CEP112: variants seen among roughly 807,000 people sequenced by gnomAD.
The protein encoded by CEP112 is centrosomal protein 112.
A neutral mutation model predicts 153.0 loss-of-function variants in CEP112; 127 were observed. That is an observed-to-expected ratio of 0.83 (90% CI 0.72 to 0.96). The LOEUF (loss-of-function observed/expected upper bound fraction) is 0.96, where lower values mean the gene tolerates loss of function less well. Ranked by LOEUF, CEP112 falls within the 40% of genes least tolerant of loss-of-function variation. CEP112 has a pLI of 0.00. For synonymous variants in CEP112, 358 were observed against 374.4 expected, an observed-to-expected ratio of 0.96 and a Z score of 0.51; for missense variants, 1,089 against 1,101.2, an observed-to-expected ratio of 0.99 and a Z score of 0.16.
rs1313596826 is a variant in CEP112, at chr17:66,191,954, G to C, written c.-9+43C>G. On this transcript the variant is annotated intron_variant, in intron 1 of 26. Transcript: ENST00000535342. The surrounding 1 kb of genome is among the most constrained non-coding windows in gnomAD (Gnocchi z 4.2). ...GGCGCAAAATTCCACTCAAGAACCT[G>C]GTGGGAGGGGCGGGGGAAGGAAATT... 6.5e-6 allele frequency: 1 copy of C among 152,798 alleles called. No individual in the cohort carries two copies. Among genetic ancestry groups the C allele is most frequent in the Non-Finnish European group, 1.5e-5 (1 of 68,202 alleles). The allele number at this position is 152,798 out of a possible 1,614,324, so 9.5% of individuals were successfully genotyped here.
intron 16 of CEP112, among the ~76,000 whole-genome samples, chr17:66,010,501 T>C (rs1009463473): frequency 1.3e-5 from 2 of 152,174 alleles, no homozygotes; most frequent in East Asian, 1.9e-4. Context: ...CTATGTTAAA[T>C]AGGAGTGGTG....
intron 24 of CEP112, among the ~76,000 whole-genome samples, chr17:65,651,493 C>T (rs1047140640): frequency 6.6e-6 from 1 of 152,178 alleles, no homozygotes; most frequent in African/African-American, 2.4e-5. Context: ...GTTCTACTCT[C>T]TCTTCTTTAA....
chr17:65,890,566 C>T (rs1598903540), intron 20 of CEP112, among the ~76,000 whole-genome samples: 1 of 152,222 alleles, frequency 6.6e-6, no homozygotes, highest in East Asian at 1.9e-4. Flanking sequence ...CTCTGGCAGG[C>T]CTGAAGGGTA....
At chr17:65,713,957 C>T (rs1046686917) in intron 23 of CEP112, among the ~76,000 whole-genome samples, 2 of 152,158 alleles carry the variant, frequency 1.3e-5, no homozygotes, top group East Asian at 3.8e-4. Flanking sequence ...CACCTCTTCT[C>T]TCTCGGTCTG....
chr17:65,825,474 G>A (rs1054304832), intron 21 of CEP112, among the ~76,000 whole-genome samples: 4 of 152,084 alleles, frequency 2.6e-5, no homozygotes, highest in African/African-American at 9.7e-5. Context: ...CAGGGGCTGG[G>A]GACCCCTGCC....
chr17:65,862,501 T>C (rs187578038), intron 20 of CEP112, among the ~76,000 whole-genome samples: 3 of 152,212 alleles, frequency 2.0e-5, no homozygotes, highest in Non-Finnish European at 4.4e-5. Context: ...GGCAGGAGAA[T>C]GGTGTGAACC....
At chr17:65,948,587 TATATAC>T (rs145757999) in intron 18 of CEP112, among the ~76,000 whole-genome samples, 9,778 of 121,882 alleles carry the variant, frequency 0.08, 467 homozygotes, top group South Asian at 0.2. Context: ...TATATATATA[TATATAC>T]ATACATAGAA....
At chr17:65,830,843 A>G (rs1300453969) in intron 21 of CEP112, among the ~76,000 whole-genome samples, 2 of 152,234 alleles carry the variant, frequency 1.3e-5, no homozygotes, top group African/African-American at 2.4e-5. Context: ...AATTCTCACT[A>G]TAAGTCTTCC....
intron 21 of CEP112, among the ~76,000 whole-genome samples, chr17:65,804,594 TA>T (rs1479214135): frequency 6.6e-6 from 1 of 152,132 alleles, no homozygotes; most frequent in African/African-American, 2.4e-5. Context: ...CTGGGCAGAA[TA>T]AGAAACTGAA....
At chr17:65,818,303 C>T (rs1568061339) in intron 21 of CEP112, among the ~76,000 whole-genome samples, 2 of 151,856 alleles carry the variant, frequency 1.3e-5, no homozygotes, top group Non-Finnish European at 3.0e-5. Flanking sequence ...TTTTTAAAAA[C>T]TTTTTGTTAA....
At chr17:66,025,909 A>G (rs1198098659) in intron 16 of CEP112, among the ~76,000 whole-genome samples, 1 of 140,658 alleles carries the variant, frequency 7.1e-6, no homozygotes, top group Non-Finnish European at 1.5e-5. Context: ...CTGGATAAAG[A>G]AAATGTGGCA....
intron 1 of CEP112, among the ~76,000 whole-genome samples, chr17:66,190,765 T>C (rs1418514336): frequency 6.6e-6 from 1 of 152,174 alleles, no homozygotes; most frequent in Non-Finnish European, 1.5e-5. Context: ...TGGGCTTACC[T>C]ACCCTACAGT....
At chr17:65,750,916 T>G in intron 21 of CEP112, 192 bp from the exon 22 acceptor site, 1 of 515,448 alleles carries the variant, frequency 1.9e-6, no homozygotes, top group Non-Finnish European at 3.4e-6. Context: ...AAAAAAAAGA[T>G]CTCTTCTGCC....
intron 22 of CEP112, among the ~76,000 whole-genome samples, chr17:65,745,862 G>A (rs750827375): frequency 3.3e-5 from 5 of 152,040 alleles, no homozygotes; most frequent in Non-Finnish European, 5.9e-5. Context: ...TACTTCAAAC[G>A]GTCAAAGGCC....
chr17:65,969,642 G>A (rs1599185919), intron 17 of CEP112, among the ~76,000 whole-genome samples: 1 of 152,176 alleles, frequency 6.6e-6, no homozygotes, highest in South Asian at 2.1e-4. Flanking sequence ...CATATTGCAA[G>A]CATATATGAC....
chr17:65,858,076 A>G (rs778330793), intron 20 of CEP112, among the ~76,000 whole-genome samples: 1 of 152,150 alleles, frequency 6.6e-6, no homozygotes, highest in Non-Finnish European at 1.5e-5. Flanking sequence ...TGGTGATTAC[A>G]TACGTTATTT....
intron 19 of CEP112, among the ~76,000 whole-genome samples, chr17:65,915,210 G>A (rs2060432123): frequency 6.6e-6 from 1 of 152,130 alleles, no homozygotes; most frequent in African/African-American, 2.4e-5. Flanking sequence ...ATGTATCAGT[G>A]TCTGTCACCA....
Position 65,956,275 on chromosome 17 carries a change from CATT to C in CEP112, c.1872+5185_1872+5187del, listed in dbSNP as rs2061997575. 2.0e-5 allele frequency among the ~76,000 whole-genome samples: 3 copies of C among 152,032 alleles called. 1 individual carries two copies. The South Asian group carries it at 6.2e-4, about 31-fold the overall frequency. Reference sequence around the variant, plus strand: ...GGTGTCTACCCAGAGGAAAAGAAGTCATTATATGAAAAAGATACTTGCACATGC... The same window carrying C: ...GGTGTCTACCCAGAGGAAAAGAAGTCATATGAAAAAGATACTTGCACATGC... On this transcript the variant is annotated intron_variant, in intron 18 of 26. Transcript: ENST00000535342.
intron 16 of CEP112, among the ~76,000 whole-genome samples, chr17:66,021,941 C>T (rs11658899): frequency 0.024 from 3,728 of 152,320 alleles, 65 homozygotes; most frequent in Middle Eastern, 0.041. Context: ...CCTGCAAGTG[C>T]CACCTACTGG....
Sources: allele counts gnomAD v4.1 joint callset (sites outside exome capture counted in the v4.1 genomes callset), GRCh38; gene constraint gnomAD v4.1.1; non-coding constraint Gnocchi (gnomAD v3.1); transcripts MANE v1.5; gene names NCBI Gene and HGNC (gene_info 2026-07-23, HGNC 2026-07-21).